Variants in WDR49 observed in about 807,000 individuals in gnomAD.
WDR49 encodes the protein WD repeat domain 49, also known as cilia- and flagella-associated protein 337.
Under a neutral mutation model 119.5 loss-of-function variants are expected in WDR49, and 107 were observed. That is an observed-to-expected ratio of 0.90 (90% CI 0.77 to 1.05). The LOEUF (loss-of-function observed/expected upper bound fraction) is 1.05, where lower values mean the gene tolerates loss of function less well. Among genes scored for constraint, WDR49 ranks in the 50% least tolerant of loss-of-function variants. The pLI, the probability that WDR49 is intolerant of heterozygous loss-of-function variation, is 0.00. For synonymous variants in WDR49, 425 were observed against 418.8 expected, an observed-to-expected ratio of 1.01 and a Z score of -0.18; for missense variants, 1,240 against 1,220.5, an observed-to-expected ratio of 1.02 and a Z score of -0.24.
At chr3:167,637,972 G>T (rs531735688) in intron 2 of WDR49, among the ~76,000 whole-genome samples, 1 of 151,488 alleles carries the variant, frequency 6.6e-6, no homozygotes, top group East Asian at 1.9e-4. Flanking sequence ...CAATTACTTT[G>T]AACAAGACAA....
chr3:167,563,787 T>G lies in WDR49; in HGVS notation c.1510-3559A>C, dbSNP rs1181965764. On this transcript the variant is annotated intron_variant, in intron 8 of 18. Transcript: ENST00000682715. ...ATCCACTCTTCTAGCTATCTGAAAA[T>G]ACACAAGAAGTTGTTGTTAACTGTA... 2.0e-5 allele frequency among the ~76,000 whole-genome samples: 3 copies of G among 152,208 alleles called. No homozygotes were observed. The South Asian group carries it at 6.2e-4, about 31-fold the overall frequency.
intron 10 of WDR49, among the ~76,000 whole-genome samples, chr3:167,550,784 A>ATT (rs1712512095): frequency 4.1e-5 from 6 of 145,914 alleles, no homozygotes; most frequent in Non-Finnish European, 9.0e-5. Flanking sequence ...TTTTTGAGAG[A>ATT]GAGAGAGAGA....
intron 9 of WDR49, among the ~76,000 whole-genome samples, chr3:167,558,973 C>T (rs1050698731): frequency 6.6e-6 from 1 of 152,100 alleles, no homozygotes; most frequent in African/African-American, 2.4e-5. Flanking sequence ...GTCCTGGTAC[C>T]TTCACACATC....
At chr3:167,590,422 A>G (rs1417691675) in intron 7 of WDR49, among the ~76,000 whole-genome samples, 3 of 152,032 alleles carry the variant, frequency 2.0e-5, no homozygotes, top group Non-Finnish European at 4.4e-5. Context: ...TTGTAGAATG[A>G]GTTTGGAAGT....
intron 11 of WDR49, 118 bp downstream of exon 11, chr3:167,536,752 T>A: frequency 2.5e-6 from 1 of 404,350 alleles, no homozygotes. Context: ...CACACATACA[T>A]ATACATATAT....
intron 18 of WDR49, among the ~76,000 whole-genome samples, chr3:167,490,025 T>C (rs1311717753): frequency 6.6e-6 from 1 of 152,128 alleles, no homozygotes; most frequent in Non-Finnish European, 1.5e-5. Context: ...ATGCCCATGC[T>C]GCTATCCACT....
intron 10 of WDR49, among the ~76,000 whole-genome samples, chr3:167,542,730 C>T (rs951282196): frequency 4.0e-5 from 6 of 151,358 alleles, no homozygotes; most frequent in Non-Finnish European, 7.4e-5. Context: ...CATCAAGGAA[C>T]TAGAGAAACA....
At chr3:167,620,108 G>A (rs2108320865) in intron 5 of WDR49, among the ~76,000 whole-genome samples, 1 of 152,292 alleles carries the variant, frequency 6.6e-6, no homozygotes, top group Non-Finnish European at 1.5e-5. Context: ...AGCCCTGAAT[G>A]TAACTAGATG....
chr3:167,654,509 G>A (rs1204751140), upstream of WDR49, among the ~76,000 whole-genome samples: 2 of 152,162 alleles, frequency 1.3e-5, no homozygotes, highest in Non-Finnish European at 2.9e-5. Context: ...TATTAACCAT[G>A]TGCCAGGCAC....
chr3:167,559,998 C>T, intron 9 of WDR49, 66 bp downstream of exon 9: 1 of 1,545,906 alleles, frequency 6.5e-7, no homozygotes, highest in Non-Finnish European at 8.8e-7. Flanking sequence ...TATCTATAGC[C>T]ATGTCTTCTG....
At chr3:167,556,590 A>G (rs62278312) in intron 9 of WDR49, among the ~76,000 whole-genome samples, 43,018 of 152,136 alleles carry the variant, frequency 0.28, 6,257 homozygotes, top group South Asian at 0.32. Context: ...TGGTGCTATC[A>G]AAATTAAAAT....
intron 6 of WDR49, among the ~76,000 whole-genome samples, chr3:167,603,279 G>A (rs1715870036): frequency 6.6e-6 from 1 of 152,016 alleles, no homozygotes; most frequent in South Asian, 2.1e-4. Flanking sequence ...CAGCACTATA[G>A]GAGGTACAAA....
At chr3:167,634,468 C>T (rs768681098) in intron 2 of WDR49, among the ~76,000 whole-genome samples, 105 of 151,838 alleles carry the variant, frequency 6.9e-4, no homozygotes, top group Non-Finnish European at 3.1e-4. Context: ...TGAAAATGTT[C>T]CTGTCTTCCT....
chr3:167,618,894 T>A (rs1716725967), intron 5 of WDR49, among the ~76,000 whole-genome samples: 1 of 152,154 alleles, frequency 6.6e-6, no homozygotes, highest in South Asian at 2.1e-4. Context: ...TGCTCACTGA[T>A]AGGTTACTTC....
Position 167,636,151 on chromosome 3 carries a change from G to T in WDR49, c.166-8859C>A, listed in dbSNP as rs1717608129. Reference sequence around the variant, plus strand: ...TTTCCCTGAGTCCCCAAAGTTCATTGTATCATTCTTACGCCTTTGCATCCT... The same window carrying T: ...TTTCCCTGAGTCCCCAAAGTTCATTTTATCATTCTTACGCCTTTGCATCCT... On this transcript the variant is annotated intron_variant, in intron 2 of 18. Transcript: ENST00000682715. Among the ~76,000 whole-genome samples the T allele has an allele frequency of 2.6e-5, 4 of 151,530 alleles. No individual in the cohort carries two copies. The South Asian group carries it at 8.3e-4, about 31-fold the overall frequency.
chr3:167,570,179 G>A (rs1480955569), intron 8 of WDR49, among the ~76,000 whole-genome samples: 1 of 151,804 alleles, frequency 6.6e-6, no homozygotes, highest in East Asian at 1.9e-4. Flanking sequence ...AGGCAGGAAA[G>A]GAGAAAATTT....
At chr3:167,617,975 G>A (rs1258430731) in intron 5 of WDR49, among the ~76,000 whole-genome samples, 2 of 152,086 alleles carry the variant, frequency 1.3e-5, no homozygotes, top group African/African-American at 2.4e-5. Flanking sequence ...AAAAGCCTTC[G>A]ACGTTTCACG....
At chr3:167,637,654 T>C (rs1041710509) in intron 2 of WDR49, among the ~76,000 whole-genome samples, 2 of 151,726 alleles carry the variant, frequency 1.3e-5, no homozygotes, top group Non-Finnish European at 3.0e-5. Flanking sequence ...TTGTTTGTCA[T>C]CTATGATTTC....
chr3:167,510,693 T>C (rs1330794471), intron 16 of WDR49, among the ~76,000 whole-genome samples: 1 of 152,152 alleles, frequency 6.6e-6, no homozygotes, highest in Non-Finnish European at 1.5e-5. Flanking sequence ...AGCCAGAAGA[T>C]AATATACACC....
Sources: gnomAD v4.1 joint callset for allele counts (sites outside exome capture counted in the v4.1 genomes callset) on GRCh38, gnomAD v4.1.1 for gene constraint, MANE v1.5 for transcripts, NCBI Gene and HGNC (gene_info 2026-07-23, HGNC 2026-07-21) for gene names.